Variants in INPP5F observed in about 807,000 individuals in gnomAD.
The protein encoded by INPP5F is phosphatidylinositide 4-phosphatase SAC2.
A neutral mutation model predicts 137.2 loss-of-function variants in INPP5F; 97 were observed. The ratio of observed to expected loss-of-function variants is 0.71; its 90% CI spans 0.60 to 0.84. The LOEUF is 0.84. INPP5F is among the 40% of genes least tolerant of loss of function. The probability of loss-of-function intolerance (pLI) is 0.00; values close to 1 mark genes in which losing one functional copy is unlikely to be tolerated. For synonymous variants in INPP5F, 504 were observed against 476.9 expected (o/e 1.06, Z -0.74); for missense variants, 1,271 against 1,371.9 (o/e 0.93, Z 1.16).
intron 2 of INPP5F, among the ~76,000 whole-genome samples, chr10:119,756,305 A>G (rs1033698249): frequency 2.6e-5 from 4 of 152,196 alleles, no homozygotes; most frequent in Admixed American, 2.0e-4. Context: ...AACATGGACT[A>G]TTTTTCTAAT....
At chr10:119,807,078 C>G (rs1776162603) in intron 12 of INPP5F, among the ~76,000 whole-genome samples, 1 of 152,018 alleles carries the variant, frequency 6.6e-6, no homozygotes, top group African/African-American at 2.4e-5. Flanking sequence ...TGAGACCAGC[C>G]TGGCCAAAAT....
chr10:119,792,021 G>T lies in INPP5F; in HGVS notation c.597G>T (p.Arg199=), dbSNP rs1285030051. The change falls in exon 5 of 20, where the codon CGG becomes CGT. Residue 199 remains arginine, a synonymous_variant. Coordinates refer to ENST00000650623, the MANE Select transcript of INPP5F (RefSeq NM_014937.4). The part of the protein sequence containing the change: ...QRQSTGERDG[R]PLWQKVDDRF... The stretch of plus-strand genomic sequence containing the variant: ...AGAGCACTGGGGAGAGGGACGGTCG[G>T]CCCCTCTGGCAGAAGGTACCACTCA... 3 of 1,614,208 alleles carry T rather than the reference G, an allele frequency of 1.9e-6. No homozygotes were observed. Among genetic ancestry groups the T allele is most frequent in the Admixed American group, 3.3e-5 (2 of 60,020 alleles).
intron 13 of INPP5F, among the ~76,000 whole-genome samples, chr10:119,808,665 C>A (rs780161973): frequency 6.6e-6 from 1 of 152,166 alleles, no homozygotes; most frequent in Admixed American, 6.5e-5. Flanking sequence ...TAGAGCTAGT[C>A]CTCATAGAAT....
intron 2 of INPP5F, 59 bp from the exon 3 acceptor site, chr10:119,781,576 C>T (rs1002589196): frequency 1.4e-6 from 2 of 1,427,078 alleles, no homozygotes; most frequent in Admixed American, 2.3e-5. Flanking sequence ...TCACCTTCAA[C>T]TTGTCAGAAC....
In INPP5F at chr10:119,726,242, C is replaced by T; in HGVS notation, c.-21C>T. The T allele has an allele frequency of 7.0e-7, 1 of 1,435,466 alleles. No homozygotes were observed. The highest frequency in any genetic ancestry group is 9.2e-7 in the Non-Finnish European group (1 of 1,090,700). The allele number at this position is 1,435,466 out of a possible 1,614,324, so 88.9% of individuals were successfully genotyped here. On this transcript the variant is annotated 5_prime_UTR_variant, in exon 1 of 20. Coordinates refer to ENST00000650623, the MANE Select transcript of INPP5F (RefSeq NM_014937.4). ...GTGCGCCGCCCGCGGGCCGCCGCCT[C>T]CCTGGGCGCGCGGGGCCAGCATGGA... is the stretch of plus-strand genomic sequence containing the variant.
In INPP5F at chr10:119,753,868, C is replaced by T. The variant is rs566284750; in HGVS notation, c.178+2712C>T. ...AAAACACACTTTTTAATGAAGAACC[C>T]AAGGGACCAAAAACAAGAAAGAAAT... On this transcript the variant is annotated intron_variant, in intron 2 of 19. Coordinates refer to ENST00000650623, the MANE Select transcript of INPP5F (RefSeq NM_014937.4). 2.7e-4 allele frequency among the ~76,000 whole-genome samples: 41 copies of T among 152,212 alleles called. No homozygotes were observed. In the South Asian group the frequency reaches 8.1e-3, roughly 30 times the overall value.
Position 119,751,143 on chromosome 10 carries a change from T to C in INPP5F, c.165T>C (p.Ile55=), listed in dbSNP as rs1460787071. ...LGLVEGVIGK[I]QLHSDLPWWL... ...TGGTAGAAGGTGTTATTGGGAAAAT[T>C]CAACTTCATTCAGGTATGTTTCTAT... is the stretch of plus-strand genomic sequence containing the variant. Residue 55 remains isoleucine (I), a synonymous_variant, in exon 2 of 20, where the codon ATT becomes ATC. Transcript: ENST00000650623. 3 of 1,599,160 alleles carry C rather than the reference T, an allele frequency of 1.9e-6. No homozygotes were observed. The highest frequency in any genetic ancestry group is 1.7e-5 in the Admixed American group (1 of 59,986).
At chr10:119,750,409 T>A (rs188994261) in intron 1 of INPP5F, among the ~76,000 whole-genome samples, 86 of 152,328 alleles carry the variant, frequency 5.6e-4, no homozygotes, top group Non-Finnish European at 9.9e-4. Context: ...TTGCATGTAA[T>A]GAATTTGCTT....
intron 16 of INPP5F, among the ~76,000 whole-genome samples, chr10:119,822,197 T>C (rs1410277867): frequency 6.6e-6 from 1 of 152,110 alleles, no homozygotes; most frequent in African/African-American, 2.4e-5. Context: ...CGTAGTTGCT[T>C]TTTTTAACTG....
chr10:119,767,380 T>G (rs187532175), intron 2 of INPP5F, among the ~76,000 whole-genome samples: 1 of 152,282 alleles, frequency 6.6e-6, no homozygotes, highest in Non-Finnish European at 1.5e-5. Flanking sequence ...TACATTAGGC[T>G]TTTGTAAATT....
chr10:119,815,957 C>T (rs1175800794), intron 15 of INPP5F: 3 of 152,536 alleles, frequency 2.0e-5, no homozygotes, highest in Non-Finnish European at 4.4e-5. Context: ...TTGCTAGAAA[C>T]TTGTTCCTTT....
chr10:119,768,237 A>G (rs184586559), intron 2 of INPP5F: 12 of 152,310 alleles, frequency 7.9e-5, no homozygotes, highest in Admixed American at 6.5e-4. Context: ...CAGTATAATT[A>G]TAAATTCTTG....
In INPP5F at chr10:119,827,314, GATCTGT is replaced by G; in HGVS notation, c.2934_2939del (p.Val980_Ser981del). 1 of 1,614,126 alleles carries G rather than the reference GATCTGT, an allele frequency of 6.2e-7. No individual in the cohort carries two copies. The highest frequency in any genetic ancestry group is 8.5e-7 in the Non-Finnish European group (1 of 1,179,986). ...AAAGTGACCCACCTATCAGAGACCA[GATCTGT>G]GTCTCAGCAGGCTAGTCAGGAAAGA... is the stretch of plus-strand genomic sequence containing the variant. On this transcript the variant is annotated inframe_deletion, in exon 20 of 20. Transcript: ENST00000650623.
chr10:119,797,423 T>C lies in INPP5F; in HGVS notation c.869-38T>C, dbSNP rs763166517. On this transcript the variant is annotated intron_variant, in intron 7 of 19. Coordinates refer to ENST00000650623, the MANE Select transcript of INPP5F (RefSeq NM_014937.4). ...AATCTAGCCAGACTAAATAAATTTT[T>C]TAAAATGTTGCTGTTTTCTGTTTTA... The C allele has an allele frequency of 2.5e-5, 37 of 1,497,732 alleles. No homozygotes were observed. In the African/African-American group the frequency reaches 5.0e-4, roughly 20 times the overall value. The allele number at this position is 1,497,732 out of a possible 1,614,324, so 92.8% of individuals were successfully genotyped here. A position where few individuals can be genotyped will look rare whatever the true frequency, so the allele number is the denominator to read the frequency against.
rs748319810 is a variant in INPP5F at position 119,798,593 on chromosome 10, A to G, written c.1099A>G (p.Asn367Asp). The change falls in exon 9 of 20, where the codon AAC becomes GAC. Residue 367 changes from asparagine (N) to aspartate (D), a missense_variant. Transcript: ENST00000650623. ...YFCAHFEEQL[N>D]IYKKQVIINL... ...CTGTGCCCATTTCGAAGAACAACTG[A>G]ACATTTACAAAAAACAGGTGGGCTT... 10 of 1,611,936 alleles carry G rather than the reference A, an allele frequency of 6.2e-6. No individual in the cohort carries two copies. In the South Asian group the frequency reaches 1.1e-4, roughly 18 times the overall value.
chr10:119,823,737 G>A, intron 18 of INPP5F, 78 bp from the exon 19 acceptor site: 1 of 1,062,810 alleles, frequency 9.4e-7, no homozygotes. Flanking sequence ...ATTTCATTCA[G>A]CGCTAAATGG....
intron 1 of INPP5F, among the ~76,000 whole-genome samples, chr10:119,744,656 A>T (rs1452693796): frequency 6.6e-6 from 1 of 152,016 alleles, no homozygotes; most frequent in Non-Finnish European, 1.5e-5. Flanking sequence ...GGCTCAAGTG[A>T]TCCTCCTGCC....
intron 6 of INPP5F, among the ~76,000 whole-genome samples, chr10:119,794,905 C>T: frequency 8.0e-6 from 1 of 125,322 alleles, no homozygotes; most frequent in Admixed American, 7.4e-5. Flanking sequence ...GGGGGCTGAC[C>T]CCCCCACCTC....
rs777394052 is a variant in INPP5F at position 119,827,641 on chromosome 10, C to A, written c.3260C>A (p.Ala1087Asp). 95 of 1,614,004 alleles carry A rather than the reference C, an allele frequency of 5.9e-5. No homozygotes were observed. The highest frequency in any genetic ancestry group is 7.2e-5 in the Non-Finnish European group (85 of 1,180,016). Residue 1087 changes from alanine to aspartate, a missense_variant, in exon 20 of 20, where the codon GCT (alanine) becomes GAT (aspartate). By Grantham distance (126) the Ala-to-Asp change is moderately radical. This residue lies in a region of INPP5F where 490 missense variants were observed against 443.7 expected (regional missense o/e 1.10). Coordinates refer to ENST00000650623, the MANE Select transcript of INPP5F (RefSeq NM_014937.4). Reference protein sequence around the residue: ...SMVQVASITQAGLTHGINFAV... With the variant: ...SMVQVASITQDGLTHGINFAV... ...GTCCAGGTTGCTAGTATTACCCAAGCTGGATTAACCCATGGGATAAACTTT... is the reference window on the plus strand; with the variant it reads ...GTCCAGGTTGCTAGTATTACCCAAGATGGATTAACCCATGGGATAAACTTT...
Sources: gnomAD v4.1 joint callset for allele counts (sites outside exome capture counted in the v4.1 genomes callset) on GRCh38, gnomAD v4.1.1 for gene constraint, gnomAD v4.1.1 regional missense constraint, MANE v1.5 for transcripts, NCBI Gene and HGNC (gene_info 2026-07-23, HGNC 2026-07-21) for gene names.